MTR: variants seen among roughly 807,000 people sequenced by gnomAD.
The protein encoded by MTR is methionine synthase.
In MTR, 84 loss-of-function variants were observed where a neutral mutation model predicts 154.8. That is an observed-to-expected ratio of 0.54 (90% CI 0.45 to 0.65). MTR has a LOEUF of 0.65. Among genes scored for constraint, MTR ranks in the 30% least tolerant of loss-of-function variants. MTR has a pLI of 0.00. For missense variants in MTR, 1,275 were observed against 1,570.2 expected (o/e 0.81, Z 3.18); for synonymous variants, 554 against 553.9 (o/e 1.00, Z 0.00).
At chr1:236,797,089 G>C (rs1660437406) in intron 1 of MTR, among the ~76,000 whole-genome samples, 1 of 152,096 alleles carries the variant, frequency 6.6e-6, no homozygotes, top group South Asian at 2.1e-4. Flanking sequence ...CACCCCCAAG[G>C]CTGGCTTCTA....
intron 27 of MTR, among the ~76,000 whole-genome samples, chr1:236,888,706 C>T (rs182107397): frequency 2.0e-5 from 3 of 152,306 alleles, no homozygotes; most frequent in African/African-American, 7.2e-5. Context: ...GCACAGCAGT[C>T]CTGAATTTGG....
At chr1:236,855,982 T>C (rs1664179881) in intron 18 of MTR, among the ~76,000 whole-genome samples, 1 of 152,240 alleles carries the variant, frequency 6.6e-6, no homozygotes, top group African/African-American at 2.4e-5. Flanking sequence ...TTTTAAGTAT[T>C]GCTTTCATGA....
chr1:236,861,159 A>G lies in MTR; in HGVS notation c.2078A>G (p.Glu693Gly), dbSNP rs781728060. The G allele has an allele frequency of 5.6e-6, 9 of 1,600,686 alleles. No homozygotes were observed. The stretch of plus-strand genomic sequence containing the variant: ...AAACATATTATTGAGGATACTGAGG[A>G]AGCCAGGTTAAACCAAAAAAAATAT... Reference protein sequence around the residue: ...IEKHIIEDTEEARLNQKKYPR... With the variant: ...IEKHIIEDTEGARLNQKKYPR... The change falls in exon 20 of 33, where the codon GAA becomes GGA. Residue 693 changes from glutamate to glycine, a missense_variant. By Grantham distance (98) the Glu-to-Gly change is moderately conservative. Transcript: ENST00000366577.
chr1:236,861,445 G>A (rs1229777689), intron 20 of MTR, among the ~76,000 whole-genome samples, 168 bp downstream of exon 20: 3 of 152,124 alleles, frequency 2.0e-5, no homozygotes, highest in Non-Finnish European at 4.4e-5. Flanking sequence ...GCAAGAATCC[G>A]TCTTCAGAGT....
rs184355174 is a variant in MTR at position 236,842,792 on chromosome 1, A to G, written c.1515+4193A>G. ...ATTTAAAAAAAAAAGATGTATATAT[A>G]TATATATAATTGGCCAGGTGCAGTG... On this transcript the variant is annotated intron_variant, in intron 15 of 32. Transcript: ENST00000366577. Among the ~76,000 whole-genome samples, 771 of 149,864 alleles carry G rather than the reference A, an allele frequency of 5.1e-3. 5 individuals carry two copies. The highest frequency in any genetic ancestry group is 7.1e-3 in the Non-Finnish European group (479 of 67,480).
chr1:236,883,248 AAC>A (rs1665847730), intron 25 of MTR, among the ~76,000 whole-genome samples: 1 of 152,224 alleles, frequency 6.6e-6, no homozygotes, highest in Non-Finnish European at 1.5e-5. Flanking sequence ...TTGGCATGAA[AAC>A]ACATGATGGA....
rs1660818952 is a variant in MTR, at chr1:236,803,717, C to T, written c.249+75C>T. The T allele has an allele frequency of 5.7e-6, 8 of 1,396,014 alleles. No individual in the cohort carries two copies. The Admixed American group carries it at 1.2e-4, about 21-fold the overall frequency. 86.5% of individuals were successfully genotyped at this position (1,396,014 alleles called of 1,614,324 possible). A position where few individuals can be genotyped will look rare whatever the true frequency, so the allele number is the denominator to read the frequency against. ...CTGTTTCATGTATCAGGGCAGGCTG[C>T]TATGCCGAGTGCTCCGGAGAATAAA... On this transcript the variant is annotated intron_variant, in intron 2 of 32. Transcript: ENST00000366577.
At chr1:236,885,023 G>GCC in intron 25 of MTR, 98 bp from the exon 26 acceptor site, 1 of 794,278 alleles carries the variant, frequency 1.3e-6, no homozygotes, top group Non-Finnish European at 2.2e-6. Context: ...AAGAAATGAA[G>GCC]TTAAGGAAGC....
chr1:236,877,333 A>G (rs1406941285), intron 24 of MTR, among the ~76,000 whole-genome samples: 1 of 152,224 alleles, frequency 6.6e-6, no homozygotes, highest in Non-Finnish European at 1.5e-5. Flanking sequence ...TACAAAAGGG[A>G]ACCCACCCAT....
At chr1:236,835,811 A>ACATC in intron 14 of MTR, 124 bp downstream of exon 14, 2 of 1,312,644 alleles carry the variant, frequency 1.5e-6, no homozygotes, top group Non-Finnish European at 2.2e-6. Context: ...CAACATCGAA[A>ACATC]ACAGGGTAGT....
intron 13 of MTR, among the ~76,000 whole-genome samples, chr1:236,834,292 G>A (rs1361234744): frequency 1.3e-5 from 2 of 152,148 alleles, no homozygotes; most frequent in African/African-American, 4.8e-5. Flanking sequence ...TGATTCTCCT[G>A]CCCCAGCCTC....
At chr1:236,867,231 C>T (rs533137186) in intron 22 of MTR, among the ~76,000 whole-genome samples, 8 of 152,226 alleles carry the variant, frequency 5.3e-5, no homozygotes, top group South Asian at 2.1e-4. Flanking sequence ...GAAGCCAGTG[C>T]GCATTTGCCA....
At chr1:236,892,331 G>A (rs1003555567) in intron 29 of MTR, among the ~76,000 whole-genome samples, 1 of 151,868 alleles carries the variant, frequency 6.6e-6, no homozygotes, top group African/African-American at 2.4e-5. Flanking sequence ...AAAATGAGCC[G>A]TGCACTGGGG....
intron 17 of MTR, 51 bp downstream of exon 17, chr1:236,852,688 AG>A (rs746976379): frequency 6.6e-7 from 1 of 1,523,072 alleles, no homozygotes; most frequent in Admixed American, 1.7e-5. Flanking sequence ...TAGTTGGGGC[AG>A]GGGTTTTCAA....
At chr1:236,863,881 G>T (rs777787833) in intron 22 of MTR, among the ~76,000 whole-genome samples, 1 of 152,096 alleles carries the variant, frequency 6.6e-6, no homozygotes, top group Non-Finnish European at 1.5e-5. Context: ...CCTTCCCATG[G>T]CCAGTGGTGT....
chr1:236,809,419 A>G (rs2103035328), intron 4 of MTR, among the ~76,000 whole-genome samples: 1 of 152,364 alleles, frequency 6.6e-6, no homozygotes, highest in South Asian at 2.1e-4. Flanking sequence ...TAAGAAATAT[A>G]TGTAGCCCCT....
intron 32 of MTR, among the ~76,000 whole-genome samples, 192 bp downstream of exon 32, chr1:236,897,310 GCACACACACA>G (rs57786802): frequency 7.8e-6 from 1 of 128,614 alleles, no homozygotes; most frequent in Non-Finnish European, 1.7e-5. Flanking sequence ...CCACACACAC[GCACACACACA>G]CACACACACA....
At chr1:236,828,875 A>G (rs1183053575) in intron 11 of MTR, among the ~76,000 whole-genome samples, 1 of 152,044 alleles carries the variant, frequency 6.6e-6, no homozygotes, top group Non-Finnish European at 1.5e-5. Context: ...GGAAGATGGA[A>G]GGAAGTTTGC....
chr1:236,861,022 G>A, intron 19 of MTR, 103 bp from the exon 20 acceptor site: 2 of 1,003,000 alleles, frequency 2.0e-6, no homozygotes, highest in Admixed American at 2.8e-5. Context: ...AACCTGTGCT[G>A]TTAGGCATTT....
Sources: gnomAD v4.1 joint callset for allele counts (sites outside exome capture counted in the v4.1 genomes callset) on GRCh38, gnomAD v4.1.1 for gene constraint, MANE v1.5 for transcripts, NCBI Gene and HGNC (gene_info 2026-07-23, HGNC 2026-07-21) for gene names.